The following CAMTA1 variants were observed in gnomAD, a reference collection of about 807,000 sequenced individuals.
CAMTA1 encodes calmodulin-binding transcription activator 1.
A neutral mutation model predicts 170.9 loss-of-function variants in CAMTA1; 27 were observed. That is an observed-to-expected ratio of 0.16 (90% CI 0.12 to 0.22). The LOEUF is 0.22. Among genes scored for constraint, CAMTA1 ranks in the 10% least tolerant of loss-of-function variants. CAMTA1 has a pLI of 1.00. For missense variants in CAMTA1, 1,619 were observed against 2,217.2 expected, an observed-to-expected ratio of 0.73 and a Z score of 5.42; for synonymous variants, 833 against 891.5, an observed-to-expected ratio of 0.93 and a Z score of 1.17.
intron 1 of CAMTA1, among the ~76,000 whole-genome samples, chr1:6,787,108 A>G (rs1483209067): frequency 6.6e-6 from 1 of 152,262 alleles, no homozygotes; most frequent in African/African-American, 2.4e-5. Flanking sequence ...GAGAGAACTC[A>G]TATCCTCCTC....
At chr1:7,279,681 G>A (rs564088958) in intron 5 of CAMTA1, among the ~76,000 whole-genome samples, 1 of 152,202 alleles carries the variant, frequency 6.6e-6, no homozygotes, top group East Asian at 1.9e-4. Context: ...CTCTCTCTTC[G>A]GCATCTGTTT....
rs12077764 is a variant in CAMTA1 at position 7,067,365 on chromosome 1, T to C, written c.235-23939T>C. Among the ~76,000 whole-genome samples, 6,878 of 152,262 alleles carry C rather than the reference T, an allele frequency of 0.045. 511 individuals carry two copies. The highest frequency in any genetic ancestry group is 0.16 in the African/African-American group (6,537 of 41,506). On this transcript the variant is annotated intron_variant, in intron 3 of 22. Transcript: ENST00000303635. This position sits in a 1 kb window ranked among gnomAD's most constrained non-coding sequence, Gnocchi z 4.3. ...TTAGGAAGTTCCCTGTCTTTAAGCA[T>C]TGTCTTTCTTTAAACAGGCTTCAAT...
chr1:7,210,134 C>T (rs967359433), intron 4 of CAMTA1, among the ~76,000 whole-genome samples: 12 of 152,306 alleles, frequency 7.9e-5, no homozygotes, highest in Admixed American at 5.2e-4. Flanking sequence ...TTTATTCCTG[C>T]AACCAACAAT....
chr1:7,713,569 T>G (rs1048310178), intron 11 of CAMTA1, among the ~76,000 whole-genome samples: 18 of 152,202 alleles, frequency 1.2e-4, no homozygotes, highest in African/African-American at 4.3e-4. Flanking sequence ...GTAAATGTGT[T>G]TGTGTTTCAC....
intron 3 of CAMTA1, among the ~76,000 whole-genome samples, chr1:6,984,658 G>A (rs1408942529): frequency 1.3e-5 from 2 of 152,192 alleles, no homozygotes; most frequent in Non-Finnish European, 2.9e-5. Context: ...TGTCTCCTGG[G>A]TGAGTAGGCT....
intron 3 of CAMTA1, among the ~76,000 whole-genome samples, chr1:6,961,862 G>A (rs1690473494): frequency 6.6e-6 from 1 of 152,222 alleles, no homozygotes; most frequent in Admixed American, 6.5e-5. Context: ...CTGGCTGGGT[G>A]TCCCTGGGAG....
At chr1:6,823,260 C>G (rs1328450176) in intron 2 of CAMTA1, among the ~76,000 whole-genome samples, 1 of 152,078 alleles carries the variant, frequency 6.6e-6, no homozygotes, top group African/African-American at 2.4e-5. Flanking sequence ...CGTGGAACCT[C>G]CCTCGGGAGG....
chr1:7,534,657 C>G lies in CAMTA1; in HGVS notation c.510+66756C>G, dbSNP rs1326770991. On this transcript the variant is annotated intron_variant, in intron 6 of 22. Coordinates refer to ENST00000303635, the MANE Select transcript of CAMTA1 (RefSeq NM_015215.4). The surrounding 1 kb of genome is among the most constrained non-coding windows in gnomAD (Gnocchi z 5.6). The stretch of plus-strand genomic sequence containing the variant: ...GGCCAGCAGCTGTCCAGGGTCACAG[C>G]AGTGGACGTTCGGGCCGAGGGGAGC... 6.6e-6 allele frequency among the ~76,000 whole-genome samples: 1 copy of G among 152,150 alleles called. No individual in the cohort carries two copies. The highest frequency in any genetic ancestry group is 1.9e-4 in the East Asian group (1 of 5,170).
intron 6 of CAMTA1, among the ~76,000 whole-genome samples, chr1:7,614,790 TCC>T (rs1373919059): frequency 1.3e-5 from 2 of 152,092 alleles, no homozygotes; most frequent in Non-Finnish European, 2.9e-5. Flanking sequence ...GCCCCGCTGC[TCC>T]CACCTCCCGA....
At chr1:7,571,444 A>G (rs886135505) in intron 6 of CAMTA1, among the ~76,000 whole-genome samples, 1 of 152,148 alleles carries the variant, frequency 6.6e-6, no homozygotes, top group Non-Finnish European at 1.5e-5. Context: ...GGTACTAAAC[A>G]TAGTACCCAA....
At position 7,284,416 on chromosome 1, in the gene CAMTA1, C is replaced by A. The variant is rs186292266; in HGVS notation, c.438+34790C>A. Among the ~76,000 whole-genome samples the A allele has an allele frequency of 7.7e-3, 1,168 of 152,082 alleles. 10 individuals carry two copies. The highest frequency in any genetic ancestry group is 0.019 in the South Asian group (91 of 4,798). The stretch of plus-strand genomic sequence containing the variant: ...ATGGGGTTTCGCCATGTTAGCCAGG[C>A]TGGTCTTGAACTCCTGACCTCGTGA... On this transcript the variant is annotated intron_variant, in intron 5 of 22. Transcript: ENST00000303635.
In CAMTA1 at chr1:7,580,813, C is replaced by T. The variant is rs942509238; in HGVS notation, c.511-59587C>T. Among the ~76,000 whole-genome samples the T allele has an allele frequency of 1.1e-4, 16 of 152,132 alleles. No individual in the cohort carries two copies. Among genetic ancestry groups the T allele is most frequent in the South Asian group, 4.1e-4 (2 of 4,828 alleles). The stretch of plus-strand genomic sequence containing the variant: ...TCCCCAACCAAGATCTCCTCCAACC[C>T]GTGCCCATCACAAGCCCATCCTTAG... On this transcript the variant is annotated intron_variant, in intron 6 of 22. Transcript: ENST00000303635. This position sits in a 1 kb window ranked among gnomAD's most constrained non-coding sequence, Gnocchi z 4.3.
intron 5 of CAMTA1, among the ~76,000 whole-genome samples, chr1:7,402,746 G>A (rs774363243): frequency 1.5e-4 from 23 of 152,286 alleles, no homozygotes; most frequent in Non-Finnish European, 3.1e-4. Context: ...AGAAGCTGGT[G>A]GAGACTTGGG....
chr1:6,910,199 G>A (rs12711514), intron 3 of CAMTA1, among the ~76,000 whole-genome samples: 74,840 of 152,120 alleles, frequency 0.49, 19,538 homozygotes, highest in Non-Finnish European at 0.59. Flanking sequence ...AATGCAAGGG[G>A]CACCTTGTTT....
In CAMTA1 at chr1:7,570,900, C is replaced by T. The variant is rs554182352; in HGVS notation, c.511-69500C>T. Among the ~76,000 whole-genome samples, 4 of 152,282 alleles carry T rather than the reference C, an allele frequency of 2.6e-5. No individual in the cohort carries two copies. In the East Asian group the frequency reaches 7.7e-4, roughly 29 times the overall value. ...ACCAGCTGGGTGATGTCAGGAGGCTCCTTAACCACTCTGAGCCTCAGTTGC... is the reference window on the plus strand; with the variant it reads ...ACCAGCTGGGTGATGTCAGGAGGCTTCTTAACCACTCTGAGCCTCAGTTGC... On this transcript the variant is annotated intron_variant, in intron 6 of 22. Transcript: ENST00000303635. This position sits in a 1 kb window ranked among gnomAD's most constrained non-coding sequence, Gnocchi z 4.3.
chr1:7,337,591 G>A (rs990368119), intron 5 of CAMTA1, among the ~76,000 whole-genome samples: 37 of 150,944 alleles, frequency 2.5e-4, no homozygotes, highest in African/African-American at 8.9e-4. Flanking sequence ...ATCACAGTGT[G>A]GGCAGTGGGC....
intron 1 of CAMTA1, among the ~76,000 whole-genome samples, chr1:6,813,112 A>T (rs1185728134): frequency 1.3e-5 from 2 of 152,214 alleles, no homozygotes; most frequent in Admixed American, 6.5e-5. Flanking sequence ...AGTAGCACTT[A>T]ATGGCATATT....
intron 5 of CAMTA1, among the ~76,000 whole-genome samples, chr1:7,340,518 A>G (rs1445887399): frequency 7.2e-6 from 1 of 139,844 alleles, no homozygotes; most frequent in Non-Finnish European, 1.6e-5. Flanking sequence ...GCTTTCTCCT[A>G]TGAGCAGCTA....
intron 1 of CAMTA1, among the ~76,000 whole-genome samples, chr1:6,801,991 T>G (rs972432014): frequency 2.6e-5 from 4 of 152,204 alleles, no homozygotes; most frequent in African/African-American, 7.2e-5. Context: ...GGGGTTGATG[T>G]CAGGGAAGGT....
Sources: allele counts gnomAD v4.1 joint callset (sites outside exome capture counted in the v4.1 genomes callset), GRCh38; gene constraint gnomAD v4.1.1; non-coding constraint Gnocchi (gnomAD v3.1); transcripts MANE v1.5; gene names NCBI Gene and HGNC (gene_info 2026-07-23, HGNC 2026-07-21).